Variants in KCNT1 observed in about 807,000 individuals in gnomAD.
KCNT1 encodes potassium sodium-activated channel subfamily T member 1.
A neutral mutation model predicts 147.8 loss-of-function variants in KCNT1; 78 were observed. The ratio of observed to expected loss-of-function variants is 0.53; its 90% CI spans 0.44 to 0.64. The LOEUF (loss-of-function observed/expected upper bound fraction) is 0.64, where lower values mean the gene tolerates loss of function less well. Among genes scored for constraint, KCNT1 ranks in the 30% least tolerant of loss-of-function variants. The probability of loss-of-function intolerance (pLI) is 0.00; values close to 1 mark genes in which losing one functional copy is unlikely to be tolerated. For synonymous variants in KCNT1, 867 were observed against 748.8 expected (o/e 1.16, Z -2.58); for missense variants, 1,419 against 1,750.3 (o/e 0.81, Z 3.38).
chr9:135,723,162 G>A lies in KCNT1; in HGVS notation c.254+8442G>A, dbSNP rs369631783. 4.6e-5 allele frequency among the ~76,000 whole-genome samples: 7 copies of A among 152,324 alleles called. No individual in the cohort carries two copies. The East Asian group carries it at 7.7e-4, about 17-fold the overall frequency. On this transcript the variant is annotated intron_variant, in intron 2 of 30. Coordinates refer to ENST00000371757, the MANE Select transcript of KCNT1 (RefSeq NM_020822.3). ...TCAGTGACGGGCGTGGCTCTCCGAG[G>A]CAGTGAACTTGCAGAGTGCAGGAAG...
At chr9:135,722,887 T>A (rs972528171) in intron 2 of KCNT1, among the ~76,000 whole-genome samples, 1 of 152,108 alleles carries the variant, frequency 6.6e-6, no homozygotes, top group Admixed American at 6.5e-5. Flanking sequence ...AACAAGGGAA[T>A]CTGGGGGTGC....
At chr9:135,719,571 G>T (rs548345896) in intron 2 of KCNT1, among the ~76,000 whole-genome samples, 1 of 152,316 alleles carries the variant, frequency 6.6e-6, no homozygotes, top group East Asian at 1.9e-4. Flanking sequence ...GCTGCACCAG[G>T]ACCCAGCCCA....
In KCNT1 at chr9:135,786,525, A is replaced by G; in HGVS notation, c.3502+4A>G. 1.9e-6 allele frequency: 3 copies of G among 1,585,954 alleles called. No homozygotes were observed. Among genetic ancestry groups the G allele is most frequent in the Non-Finnish European group, 2.6e-6 (3 of 1,170,002 alleles). Reference sequence around the variant, plus strand: ...GGGCTGCCCACCACCGGCTACGGTAAGGGCACACGGCGCGGGTGGGGGCCG... The same window carrying G: ...GGGCTGCCCACCACCGGCTACGGTAGGGGCACACGGCGCGGGTGGGGGCCG... On this transcript the variant is annotated splice_donor_region_variant and intron_variant, in intron 29 of 30. Coordinates refer to ENST00000371757, the MANE Select transcript of KCNT1 (RefSeq NM_020822.3).
intron 2 of KCNT1, among the ~76,000 whole-genome samples, chr9:135,718,281 G>A (rs562660658): frequency 6.6e-6 from 1 of 152,362 alleles, no homozygotes; most frequent in Non-Finnish European, 1.5e-5. Flanking sequence ...AGCCGTGTGA[G>A]GTGGGAGGAC....
At chr9:135,721,038 G>A (rs1564319052) in intron 2 of KCNT1, among the ~76,000 whole-genome samples, 2 of 152,372 alleles carry the variant, frequency 1.3e-5, no homozygotes, top group African/African-American at 2.4e-5. Flanking sequence ...TTTAGGGGCC[G>A]TGAAGGTTCG....
chr9:135,774,400 C>CGT (rs957314086), intron 19 of KCNT1, among the ~76,000 whole-genome samples: 20 of 92,062 alleles, frequency 2.2e-4, no homozygotes, highest in African/African-American at 5.3e-4. Flanking sequence ...GTTGTGTGTC[C>CGT]GTGTGTGTGT....
intron 2 of KCNT1, among the ~76,000 whole-genome samples, chr9:135,729,120 G>C (rs1402746174): frequency 6.6e-6 from 1 of 152,224 alleles, no homozygotes; most frequent in African/African-American, 2.4e-5. Context: ...ATACACGGGA[G>C]ATATAATTAA....
At chr9:135,744,093 C>T (rs1332712912) in intron 2 of KCNT1, among the ~76,000 whole-genome samples, 3 of 152,238 alleles carry the variant, frequency 2.0e-5, no homozygotes, top group Non-Finnish European at 2.9e-5. Context: ...GCTCGGACCT[C>T]GGCCCCATGT....
At chr9:135,770,563 G>T in intron 17 of KCNT1, 116 bp downstream of exon 17, 1 of 1,324,514 alleles carries the variant, frequency 7.5e-7, no homozygotes, top group Non-Finnish European at 1.0e-6. Flanking sequence ...AGAGGGCTCG[G>T]GGGAGGGCAT....
intron 10 of KCNT1, among the ~76,000 whole-genome samples, chr9:135,758,726 C>T (rs1395359419): frequency 6.6e-6 from 1 of 152,232 alleles, no homozygotes; most frequent in Non-Finnish European, 1.5e-5. Flanking sequence ...TGCAGCCCGA[C>T]TCCTCCAAGG....
intron 1 of KCNT1, among the ~76,000 whole-genome samples, chr9:135,707,397 C>A (rs1240284967): frequency 6.6e-6 from 1 of 152,142 alleles, no homozygotes; most frequent in South Asian, 2.1e-4. Flanking sequence ...GTGCTCCTTG[C>A]TATGATCACC....
intron 26 of KCNT1, 40 bp downstream of exon 26, chr9:135,784,658 G>A (rs769530787): frequency 6.2e-7 from 1 of 1,611,182 alleles, no homozygotes; most frequent in South Asian, 1.1e-5. Context: ...GGCGTGCTGG[G>A]CTGTCCAAGT....
rs897109656 is a variant in KCNT1, at chr9:135,758,009, C to T, written c.760-405C>T. Among the ~76,000 whole-genome samples, 4 of 151,332 alleles carry T rather than the reference C, an allele frequency of 2.6e-5. No homozygotes were observed. In the South Asian group the frequency reaches 6.2e-4, roughly 24 times the overall value. ...CGGGGATGTAGGCAAGATGGGGACC[C>T]GTCCTGAGAGAGGACAGCAGAGGGG... is the stretch of plus-strand genomic sequence containing the variant. On this transcript the variant is annotated intron_variant, in intron 9 of 30. Coordinates refer to ENST00000371757, the MANE Select transcript of KCNT1 (RefSeq NM_020822.3).
rs777322392 is a variant in KCNT1 at position 135,791,878 on chromosome 9, T to C, written c.3584T>C (p.Ile1195Thr). Residue 1195 changes from isoleucine to threonine, a missense_variant, in exon 30 of 31, where the codon ATT (isoleucine) becomes ACT (threonine). This residue lies in a region of KCNT1 where 306 missense variants were observed against 294.2 expected (regional missense o/e 1.04). Coordinates refer to ENST00000371757, the MANE Select transcript of KCNT1 (RefSeq NM_020822.3). ...PPDTRLEPSD[I>T]VYLIRSDPLA... ...GACACGAGGCTGGAGCCCAGTGACA[T>C]TGTGTGAGTAGCACCTGTGGGCTGT... 2.5e-6 allele frequency: 4 copies of C among 1,613,586 alleles called. No homozygotes were observed. The highest frequency in any genetic ancestry group is 1.3e-5 in the African/African-American group (1 of 74,882).
intron 9 of KCNT1, 71 bp downstream of exon 9, chr9:135,757,452 C>A: frequency 1.4e-6 from 2 of 1,410,558 alleles, no homozygotes; most frequent in Non-Finnish European, 2.0e-6. Context: ...CTGGAAGACA[C>A]TGTGCGACGT....
rs146955835 is a variant in KCNT1 at position 135,777,282 on chromosome 9, T to C, written c.2350-56T>C. The C allele has an allele frequency of 6.4e-6, 10 of 1,564,918 alleles. No individual in the cohort carries two copies. In the East Asian group the frequency reaches 2.3e-4, roughly 35 times the overall value. The stretch of plus-strand genomic sequence containing the variant: ...GGTGAGGGGTCTGGGAGGGCTCCAG[T>C]GGCCAGCAGGAACCACAGCCCTGAC... On this transcript the variant is annotated intron_variant, in intron 20 of 30. Coordinates refer to ENST00000371757, the MANE Select transcript of KCNT1 (RefSeq NM_020822.3).
At chr9:135,784,979 C>T in intron 27 of KCNT1, 90 bp downstream of exon 27, 1 of 1,537,618 alleles carries the variant, frequency 6.5e-7, no homozygotes, top group Non-Finnish European at 8.8e-7. Context: ...GGGACTGTGG[C>T]AGCCCCTGTC....
At chr9:135,786,007 A>T in intron 28 of KCNT1, 190 bp from the exon 29 acceptor site, 1 of 600,200 alleles carries the variant, frequency 1.7e-6, no homozygotes. Flanking sequence ...AACCAGGCAC[A>T]TTCTTTCCAG....
chr9:135,731,960 G>A (rs1485894835), intron 2 of KCNT1, among the ~76,000 whole-genome samples: 86 of 41,412 alleles, frequency 2.1e-3, no homozygotes, highest in East Asian at 4.2e-3. Context: ...AAATATGCGT[G>A]TATATATATA....
Sources: allele counts gnomAD v4.1 joint callset (sites outside exome capture counted in the v4.1 genomes callset), GRCh38; gene constraint gnomAD v4.1.1; regional missense constraint gnomAD v4.1.1; transcripts MANE v1.5; gene names NCBI Gene and HGNC (gene_info 2026-07-23, HGNC 2026-07-21).